The following PRKCH variants were observed in gnomAD, a reference collection of about 807,000 sequenced individuals.
The protein encoded by PRKCH is protein kinase C eta, also known as protein kinase C eta type.
Under a neutral mutation model 82.5 loss-of-function variants are expected in PRKCH, and 28 were observed. The ratio of observed to expected loss-of-function variants is 0.34; its 90% CI spans 0.25 to 0.47. The LOEUF (loss-of-function observed/expected upper bound fraction) is 0.47, where lower values mean the gene tolerates loss of function less well. Among genes scored for constraint, PRKCH ranks in the 20% least tolerant of loss-of-function variants. PRKCH has a pLI of 1.00. For missense variants in PRKCH, 705 were observed against 881.8 expected (o/e 0.80, Z 2.54); for synonymous variants, 322 against 327.4 (o/e 0.98, Z 0.18).
chr14:61,409,856 G>A (rs892936562), intron 2 of PRKCH, among the ~76,000 whole-genome samples: 3 of 152,048 alleles, frequency 2.0e-5, no homozygotes, highest in Non-Finnish European at 2.9e-5. Flanking sequence ...GGCCAGCATT[G>A]TACATTGTCA....
intron 2 of PRKCH, among the ~76,000 whole-genome samples, chr14:61,400,787 A>ATTTCTCTCTC (rs1881566693): frequency 6.6e-6 from 1 of 152,244 alleles, no homozygotes; most frequent in Middle Eastern, 3.4e-3. Flanking sequence ...TTTTCTCTCT[A>ATTTCTCTCTC]TAACAAATTT....
At chr14:61,337,273 A>G (rs1566826808) in intron 1 of PRKCH, among the ~76,000 whole-genome samples, 2 of 151,630 alleles carry the variant, frequency 1.3e-5, no homozygotes, top group African/African-American at 2.4e-5. Flanking sequence ...TCTTCTGAGT[A>G]ACTGGGACCA....
chr14:61,294,346 T>C (rs1038063699), intron 1 of PRKCH, among the ~76,000 whole-genome samples: 14 of 152,098 alleles, frequency 9.2e-5, no homozygotes, highest in African/African-American at 3.4e-4. Context: ...GGTCTCGATC[T>C]CCTGACCTCG....
chr14:61,523,207 G>A (rs2042926661), intron 10 of PRKCH, among the ~76,000 whole-genome samples: 1 of 152,186 alleles, frequency 6.6e-6, no homozygotes, highest in African/African-American at 2.4e-5. Flanking sequence ...CCCTATGCCT[G>A]TATCCTCAAG....
chr14:61,195,593 G>T lies in PRKCH; in HGVS notation c.-19+7925G>T, dbSNP rs78625695. 5.0e-3 allele frequency among the ~76,000 whole-genome samples: 754 copies of T among 152,290 alleles called. 18 individuals are homozygous for T. In the East Asian group the frequency reaches 0.067, roughly 14 times the overall value. On this transcript the variant is annotated intron_variant, in intron 1 of 3. Transcript: ENST00000555185. ...AAGAATTATGCATAGGATATTTTAGGAACCAAAGGAAGAACATCCAAATTA... is the reference window on the plus strand; with the variant it reads ...AAGAATTATGCATAGGATATTTTAGTAACCAAAGGAAGAACATCCAAATTA...
At chr14:61,312,347 G>C (rs1566815421) in intron 1 of PRKCH, among the ~76,000 whole-genome samples, 1 of 152,150 alleles carries the variant, frequency 6.6e-6, no homozygotes, top group Non-Finnish European at 1.5e-5. Context: ...ATGTTGGCCA[G>C]GCTGGCCAAC....
At chr14:61,296,407 T>G (rs2045406402) in intron 1 of PRKCH, among the ~76,000 whole-genome samples, 1 of 152,200 alleles carries the variant, frequency 6.6e-6, no homozygotes, top group Admixed American at 6.5e-5. Flanking sequence ...ACTTCCACAC[T>G]TATGCCCCCA....
At chr14:61,320,445 C>A (rs2045600448), upstream of PRKCH, among the ~76,000 whole-genome samples, 1 of 152,060 alleles carries the variant, frequency 6.6e-6, no homozygotes, top group African/African-American at 2.4e-5. Flanking sequence ...ACTAAAAATA[C>A]AAAATTAGCC....
intron 1 of PRKCH, among the ~76,000 whole-genome samples, chr14:61,245,823 G>A (rs1410071653): frequency 6.6e-6 from 1 of 152,202 alleles, no homozygotes; most frequent in Non-Finnish European, 1.5e-5. Context: ...TGAAAGAAAA[G>A]TTAGGAATCA....
chr14:61,476,774 G>T (rs529387893), intron 9 of PRKCH, among the ~76,000 whole-genome samples: 76 of 152,292 alleles, frequency 5.0e-4, no homozygotes, highest in Middle Eastern at 6.8e-3. Context: ...AGCTCAGACA[G>T]GATGTATCTT....
intron 1 of PRKCH, among the ~76,000 whole-genome samples, chr14:61,195,953 C>T (rs2044439182): frequency 6.6e-6 from 1 of 152,118 alleles, no homozygotes; most frequent in Non-Finnish European, 1.5e-5. Context: ...GGCATGGAAA[C>T]ATTCAGTCCT....
intron 10 of PRKCH, among the ~76,000 whole-genome samples, chr14:61,489,203 AACGCCCTT>A (rs1886355628): frequency 6.6e-6 from 1 of 152,208 alleles, no homozygotes; most frequent in African/African-American, 2.4e-5. Flanking sequence ...CATGTCCCAG[AACGCCCTT>A]TATCAGAGCT....
At chr14:61,350,331 C>G (rs2046054550) in intron 1 of PRKCH, among the ~76,000 whole-genome samples, 2 of 152,132 alleles carry the variant, frequency 1.3e-5, no homozygotes, top group Admixed American at 1.3e-4. Context: ...GGAACACTAG[C>G]ATGTGCCCTT....
At chr14:61,547,926 A>G (rs1594804707) in intron 13 of PRKCH, 40 bp downstream of exon 13, 3 of 1,600,154 alleles carry the variant, frequency 1.9e-6, no homozygotes, top group Non-Finnish European at 2.6e-6. Flanking sequence ...TCCTTTCTTC[A>G]GATGTCACAG....
At chr14:61,423,877 T>C (rs60479750) in intron 2 of PRKCH, among the ~76,000 whole-genome samples, 87,795 of 152,082 alleles carry the variant, frequency 0.58, 27,228 homozygotes, top group Non-Finnish European at 0.7. Context: ...TTTTGTGTCC[T>C]CACCCAAATC....
At position 61,513,582 on chromosome 14, in the gene PRKCH, G is replaced by A. The variant is rs999292073; in HGVS notation, c.1434-15493G>A. Among the ~76,000 whole-genome samples, 11 of 152,106 alleles carry A rather than the reference G, an allele frequency of 7.2e-5. No homozygotes were observed. The East Asian group carries it at 7.7e-4, about 11-fold the overall frequency. Reference sequence around the variant, plus strand: ...GTTTTAATTTTTCCTTTTTCAGTCCGTTTAGGACCAATACTTTTTATAAAA... The same window carrying A: ...GTTTTAATTTTTCCTTTTTCAGTCCATTTAGGACCAATACTTTTTATAAAA... On this transcript the variant is annotated intron_variant, in intron 10 of 13. Transcript: ENST00000332981.
At chr14:61,317,775 G>A (rs574700347), upstream of PRKCH, among the ~76,000 whole-genome samples, 1 of 152,136 alleles carries the variant, frequency 6.6e-6, no homozygotes, top group South Asian at 2.1e-4. Flanking sequence ...ATAAATGTTG[G>A]AGTTGCTGGA....
rs1884062522 is a variant in PRKCH at position 61,443,240 on chromosome 14, C to G, written c.557C>G (p.Ser186Cys). 2 of 1,614,062 alleles carry G rather than the reference C, an allele frequency of 1.2e-6. No homozygotes were observed. The highest frequency in any genetic ancestry group is 1.7e-6 in the Non-Finnish European group (2 of 1,179,954). Residue 186 changes from serine (S) to cysteine (C), a missense_variant, in exon 3 of 14, where the codon TCT (serine) becomes TGT (cysteine). Coordinates refer to ENST00000332981, the MANE Select transcript of PRKCH (RefSeq NM_006255.5). ...ATYLRQPTYC[S>C]HCREFIWGVF... ...TATCTGAGGCAGCCCACCTACTGCTCTCACTGCAGGGAGTTTATCTGGTAA... is the reference window on the plus strand; with the variant it reads ...TATCTGAGGCAGCCCACCTACTGCTGTCACTGCAGGGAGTTTATCTGGTAA...
chr14:61,215,028 C>T (rs1314360595), intron 1 of PRKCH, among the ~76,000 whole-genome samples: 1 of 152,098 alleles, frequency 6.6e-6, no homozygotes, highest in Non-Finnish European at 1.5e-5. Context: ...AGATCGATTG[C>T]ATTTATCTTA....
Sources: allele counts gnomAD v4.1 joint callset (sites outside exome capture counted in the v4.1 genomes callset), GRCh38; gene constraint gnomAD v4.1.1; transcripts MANE v1.5; gene names NCBI Gene and HGNC (gene_info 2026-07-23, HGNC 2026-07-21).